OLFM3: variants seen among roughly 807,000 people sequenced by gnomAD.
The protein encoded by OLFM3 is noelin-3.
A neutral mutation model predicts 48.6 loss-of-function variants in OLFM3; 20 were observed. The ratio of observed to expected loss-of-function variants is 0.41; its 90% CI spans 0.29 to 0.60. OLFM3 has a LOEUF of 0.60. Among genes scored for constraint, OLFM3 ranks in the 20% least tolerant of loss-of-function variants. The pLI, the probability that OLFM3 is intolerant of heterozygous loss-of-function variation, is 0.28. For synonymous variants in OLFM3, 222 were observed against 198.1 expected, an observed-to-expected ratio of 1.12 and a Z score of -1.01; for missense variants, 437 against 544.3, an observed-to-expected ratio of 0.80 and a Z score of 1.96.
chr1:101,975,648 G>T (rs1369044458), intron 1 of OLFM3, among the ~76,000 whole-genome samples: 1 of 152,078 alleles, frequency 6.6e-6, no homozygotes, highest in African/African-American at 2.4e-5. Context: ...TCACAGAAAG[G>T]TATTATTATT....
chr1:101,919,452 C>T (rs752884346), intron 1 of OLFM3, among the ~76,000 whole-genome samples: 1 of 152,136 alleles, frequency 6.6e-6, no homozygotes. Context: ...GATCAAATCC[C>T]AGTCCTTATT....
At chr1:101,867,041 C>G (rs1240877159) in intron 1 of OLFM3, among the ~76,000 whole-genome samples, 1 of 152,170 alleles carries the variant, frequency 6.6e-6, no homozygotes, top group Admixed American at 6.5e-5. Context: ...CATTATGATA[C>G]TACATTTAAA....
chr1:101,811,154 T>C (rs1035114054), intron 4 of OLFM3, among the ~76,000 whole-genome samples: 3 of 152,024 alleles, frequency 2.0e-5, no homozygotes, highest in Non-Finnish European at 2.9e-5. Flanking sequence ...ATGTCTCGAA[T>C]ATGAAACAAA....
chr1:101,971,893 T>G (rs542327427), intron 1 of OLFM3, among the ~76,000 whole-genome samples: 1 of 151,926 alleles, frequency 6.6e-6, no homozygotes, highest in East Asian at 1.9e-4. Context: ...TTTAAGGATT[T>G]TAGGATGCAT....
intron 1 of OLFM3, among the ~76,000 whole-genome samples, chr1:101,969,776 C>CTT (rs1220146998): frequency 6.6e-6 from 1 of 151,802 alleles, no homozygotes; most frequent in Admixed American, 6.6e-5. Context: ...GTGTCCGTGT[C>CTT]TATGTCAGGA....
chr1:101,942,479 G>T (rs144424372), intron 1 of OLFM3, among the ~76,000 whole-genome samples: 137 of 152,256 alleles, frequency 9.0e-4, no homozygotes, highest in African/African-American at 3.2e-3. Flanking sequence ...GGGGGAAAAG[G>T]TTTCTGTAAA....
intron 1 of OLFM3, among the ~76,000 whole-genome samples, chr1:101,854,407 C>A (rs543534743): frequency 1.3e-3 from 196 of 152,164 alleles, no homozygotes; most frequent in African/African-American, 4.1e-3. Flanking sequence ...TCTTTGCCTT[C>A]ATCTGTGAAG....
chr1:101,884,153 C>G (rs75136170), intron 1 of OLFM3, among the ~76,000 whole-genome samples: 2,114 of 152,004 alleles, frequency 0.014, 45 homozygotes, highest in African/African-American at 0.047. Flanking sequence ...CTCCCAACAT[C>G]CTCTCTATTT....
intron 1 of OLFM3, among the ~76,000 whole-genome samples, chr1:101,912,146 C>G (rs1382306054): frequency 6.6e-6 from 1 of 152,130 alleles, no homozygotes; most frequent in East Asian, 1.9e-4. Flanking sequence ...CCTGACAGCA[C>G]TTTTTCTTGG....
intron 1 of OLFM3, among the ~76,000 whole-genome samples, chr1:101,929,152 A>T (rs894714931): frequency 3.3e-5 from 5 of 152,090 alleles, no homozygotes; most frequent in African/African-American, 1.2e-4. Context: ...TTGCACAGGT[A>T]AAACTTCTTA....
At chr1:101,846,812 C>A in intron 1 of OLFM3, 1 of 1,543,594 alleles carries the variant, frequency 6.5e-7, no homozygotes, top group Non-Finnish European at 8.9e-7. Flanking sequence ...GCACTTACTT[C>A]TCAAGATGGC....
intron 4 of OLFM3, among the ~76,000 whole-genome samples, chr1:101,821,953 C>G (rs982203307): frequency 2.6e-5 from 4 of 151,576 alleles, no homozygotes; most frequent in Non-Finnish European, 5.9e-5. Context: ...ACATTGTGGC[C>G]CACTGGATAA....
chr1:101,868,952 T>C (rs1360616624), intron 1 of OLFM3, among the ~76,000 whole-genome samples: 2 of 152,218 alleles, frequency 1.3e-5, no homozygotes, highest in African/African-American at 2.4e-5. Context: ...AACTGAGGTT[T>C]GGGAACCCCT....
At chr1:101,993,001 C>T (rs996870911) in intron 1 of OLFM3, among the ~76,000 whole-genome samples, 1 of 152,116 alleles carries the variant, frequency 6.6e-6, no homozygotes, top group African/African-American at 2.4e-5. Flanking sequence ...CATAAGAAGA[C>T]AGTAAATGTT....
At chr1:101,910,904 G>A (rs114863771) in intron 1 of OLFM3, among the ~76,000 whole-genome samples, 3,265 of 152,222 alleles carry the variant, frequency 0.021, 56 homozygotes, top group Middle Eastern at 0.034. Flanking sequence ...TAAGAACTAA[G>A]ATTCAGTAAT....
chr1:101,811,241 T>C (rs1291102518), intron 4 of OLFM3, among the ~76,000 whole-genome samples: 1 of 152,066 alleles, frequency 6.6e-6, no homozygotes, highest in African/African-American at 2.4e-5. Context: ...TGTAAAAATT[T>C]ATGGCAACTT....
intron 2 of OLFM3, among the ~76,000 whole-genome samples, chr1:101,834,390 T>C (rs1570539384): frequency 6.6e-6 from 1 of 152,386 alleles, no homozygotes; most frequent in East Asian, 1.9e-4. Context: ...GTAAATATTG[T>C]CTTTATTAAC....
At chr1:101,847,679 T>G (rs777082205) in intron 1 of OLFM3, among the ~76,000 whole-genome samples, 1 of 152,210 alleles carries the variant, frequency 6.6e-6, no homozygotes, top group African/African-American at 2.4e-5. Context: ...GCAGAAAAAC[T>G]TCTGTTACAG....
intron 1 of OLFM3, among the ~76,000 whole-genome samples, chr1:101,881,427 C>CT (rs1345752824): frequency 2.0e-5 from 3 of 151,848 alleles, no homozygotes; most frequent in Non-Finnish European, 2.9e-5. Context: ...CCAGAGTACT[C>CT]TTACTGCCTC....
Sources: allele counts gnomAD v4.1 joint callset (sites outside exome capture counted in the v4.1 genomes callset), GRCh38; gene constraint gnomAD v4.1.1; transcripts MANE v1.5; gene names NCBI Gene and HGNC (gene_info 2026-07-23, HGNC 2026-07-21).